ZNF875: variants seen among roughly 807,000 people sequenced by gnomAD.
The protein encoded by ZNF875 is zinc finger protein 875.
Under a neutral mutation model 11.2 loss-of-function variants are expected in ZNF875, and 14 were observed. That is an observed-to-expected ratio of 1.26 (90% CI 0.83 to 1.96). ZNF875 has a LOEUF of 1.96. Ranked by LOEUF, ZNF875 falls within the 30% of genes most tolerant of loss-of-function variation. The pLI, the probability that ZNF875 is intolerant of heterozygous loss-of-function variation, is 0.00. For missense variants in ZNF875, 752 were observed against 760.4 expected, an observed-to-expected ratio of 0.99 and a Z score of 0.13; for synonymous variants, 301 against 281.1, an observed-to-expected ratio of 1.07 and a Z score of -0.71.
intron 2 of ZNF875, among the ~76,000 whole-genome samples, chr19:37,340,918 G>C (rs150544992): frequency 1.1e-3 from 160 of 152,210 alleles, no homozygotes; most frequent in Middle Eastern, 3.4e-3. Context: ...AAAGTCCTGG[G>C]ATTACAGGCG....
chr19:37,324,835 G>T (rs1382511892), intron 4 of ZNF875: 1 of 158,208 alleles, frequency 6.3e-6, no homozygotes, highest in African/African-American at 2.4e-5. Flanking sequence ...AGTGTAGTAT[G>T]GCGATCTCTG....
At position 37,362,871 on chromosome 19, in the gene ZNF875, G is replaced by T. The variant is rs1299921479; in HGVS notation, c.1019G>T (p.Cys340Phe). The T allele has an allele frequency of 6.2e-7, 1 of 1,613,986 alleles. No homozygotes were observed. Among genetic ancestry groups the T allele is most frequent in the African/African-American group, 1.3e-5 (1 of 74,896 alleles). The change falls in exon 5 of 5, where the codon TGC becomes TTC. Residue 340 changes from cysteine (C) to phenylalanine (F), a missense_variant. Cys to Phe is a radical substitution (Grantham distance 205, BLOSUM62 -2). Transcript: ENST00000392153. ...CACTCAGGGCTCAAGCCTTATGTGT[G>T]CAAGGAATGTGGGCAGAGCTTTAGC... ...RTHSGLKPYVCKECGQSFSLK... is the reference protein window; with the variant it reads ...RTHSGLKPYVFKECGQSFSLK...
intron 4 of ZNF875, chr19:37,358,154 T>G (rs989093025): frequency 2.2e-5 from 8 of 364,462 alleles, no homozygotes; most frequent in African/African-American, 1.3e-4. Flanking sequence ...TTTTTTTTTT[T>G]TTTTGTTTGA....
intron 2 of ZNF875, chr19:37,337,156 C>T (rs997162209): frequency 1.5e-5 from 2 of 136,192 alleles, no homozygotes; most frequent in South Asian, 4.9e-4. Context: ...TTGGACGTGA[C>T]CTTCAGAGTA....
At chr19:37,339,247 T>C (rs1293805620) in intron 2 of ZNF875, among the ~76,000 whole-genome samples, 1 of 151,958 alleles carries the variant, frequency 6.6e-6, no homozygotes, top group African/African-American at 2.4e-5. Context: ...TGGAGTAAAG[T>C]TACTGGCAGT....
chr19:37,348,254 TC>T (rs1375387591), intron 4 of ZNF875, among the ~76,000 whole-genome samples: 3 of 152,156 alleles, frequency 2.0e-5, no homozygotes, highest in Non-Finnish European at 4.4e-5. Context: ...CCTCTCCAAT[TC>T]CCATAACTTA....
intron 4 of ZNF875, among the ~76,000 whole-genome samples, chr19:37,349,947 G>A (rs2037512961): frequency 1.4e-5 from 2 of 146,472 alleles, no homozygotes; most frequent in African/African-American, 5.1e-5. Flanking sequence ...GAGCCACCAC[G>A]CCCGGCCCCC....
upstream of ZNF875, chr19:37,314,748 C>T (rs1158792835): frequency 1.7e-5 from 2 of 120,010 alleles, no homozygotes; most frequent in Non-Finnish European, 3.2e-5. Flanking sequence ...GAGACTCTGT[C>T]TCAAAAAAAA....
At chr19:37,342,851 A>T (rs757850844) in intron 2 of ZNF875, among the ~76,000 whole-genome samples, 4 of 152,210 alleles carry the variant, frequency 2.6e-5, no homozygotes, top group African/African-American at 9.6e-5. Flanking sequence ...TCAAGCTGCC[A>T]TATCAGTTTC....
upstream of ZNF875, among the ~76,000 whole-genome samples, chr19:37,333,165 T>C (rs2033664501): frequency 6.6e-6 from 1 of 152,200 alleles, no homozygotes; most frequent in Non-Finnish European, 1.5e-5. Context: ...TGGGTCTCTC[T>C]TTACTCCCTT....
intron 4 of ZNF875, among the ~76,000 whole-genome samples, chr19:37,352,086 A>G (rs1489084315): frequency 2.6e-5 from 4 of 152,326 alleles, no homozygotes; most frequent in Middle Eastern, 6.8e-3. Flanking sequence ...TAATTTTGCT[A>G]TGAGGCACAT....
At chr19:37,353,853 C>T (rs1293221878) in intron 4 of ZNF875, among the ~76,000 whole-genome samples, 1 of 152,124 alleles carries the variant, frequency 6.6e-6, no homozygotes, top group Non-Finnish European at 1.5e-5. Flanking sequence ...TTTCTATGAG[C>T]CGTTTTCTTT....
chr19:37,327,348 T>A (rs1271399117), intron 4 of ZNF875, among the ~76,000 whole-genome samples: 5 of 152,204 alleles, frequency 3.3e-5, no homozygotes, highest in Non-Finnish European at 7.4e-5. Flanking sequence ...ACTTGATTTT[T>A]AAATGACAGG....
upstream of ZNF875, among the ~76,000 whole-genome samples, chr19:37,317,616 T>C (rs1436520931): frequency 2.0e-5 from 3 of 152,216 alleles, no homozygotes; most frequent in Non-Finnish European, 2.9e-5. Flanking sequence ...CATCAACTAT[T>C]ACTGCAAAGT....
chr19:37,342,731 G>C (rs1371062105), intron 2 of ZNF875, among the ~76,000 whole-genome samples: 2 of 152,056 alleles, frequency 1.3e-5, no homozygotes, highest in Non-Finnish European at 2.9e-5. Context: ...CTTTTAACAG[G>C]CTTTTTGGAG....
intron 1 of ZNF875, among the ~76,000 whole-genome samples, chr19:37,320,369 AT>A (rs1442741758): frequency 6.6e-6 from 1 of 152,242 alleles, no homozygotes; most frequent in Non-Finnish European, 1.5e-5. Flanking sequence ...ATCTGACAGC[AT>A]CTCCAAATAG....
At chr19:37,352,181 C>G (rs2038018103) in intron 4 of ZNF875, among the ~76,000 whole-genome samples, 1 of 149,696 alleles carries the variant, frequency 6.7e-6, no homozygotes, top group African/African-American at 2.5e-5. Flanking sequence ...TACCGCTTGT[C>G]TTCAGGTCTG....
At chr19:37,321,286 C>T (rs902343809) in intron 1 of ZNF875, among the ~76,000 whole-genome samples, 6 of 152,162 alleles carry the variant, frequency 3.9e-5, no homozygotes, top group African/African-American at 7.2e-5. Context: ...GTCTCCTGCT[C>T]GTCCCTGGGC....
At chr19:37,314,157 CGAT>C (rs1176933853), upstream of ZNF875, among the ~76,000 whole-genome samples, 27 of 152,254 alleles carry the variant, frequency 1.8e-4, no homozygotes, top group African/African-American at 5.8e-4. Context: ...CTTTCACCCA[CGAT>C]GGAGTGCCGT....
Sources: allele counts gnomAD v4.1 joint callset (sites outside exome capture counted in the v4.1 genomes callset), GRCh38; gene constraint gnomAD v4.1.1; transcripts MANE v1.5; gene names NCBI Gene and HGNC (gene_info 2026-07-23, HGNC 2026-07-21).